NFATC4: variants seen among roughly 807,000 people sequenced by gnomAD.
NFATC4 encodes the protein nuclear factor of activated T cells 4.
Under a neutral mutation model 73.4 loss-of-function variants are expected in NFATC4, and 25 were observed. The ratio of observed to expected loss-of-function variants is 0.34; its 90% CI spans 0.25 to 0.48. The LOEUF (loss-of-function observed/expected upper bound fraction) is 0.48, where lower values mean the gene tolerates loss of function less well. NFATC4 is among the 20% of genes least tolerant of loss of function. The pLI, the probability that NFATC4 is intolerant of heterozygous loss-of-function variation, is 0.99. For missense variants in NFATC4, 1,130 were observed against 1,203.7 expected, an observed-to-expected ratio of 0.94 and a Z score of 0.91; for synonymous variants, 523 against 510.3, an observed-to-expected ratio of 1.02 and a Z score of -0.34.
At chr14:24,375,586 G>A in intron 6 of NFATC4, 74 bp from the exon 7 acceptor site, 1 of 1,511,204 alleles carries the variant, frequency 6.6e-7, no homozygotes, top group Non-Finnish European at 9.0e-7. Flanking sequence ...TAACAGGAGG[G>A]GAAATGGCAG....
rs774467153 is a variant in NFATC4 at position 24,370,335 on chromosome 14, G to C, written c.937G>C (p.Gly313Arg). 1 of 1,613,362 alleles carries C rather than the reference G, an allele frequency of 6.2e-7. No individual in the cohort carries two copies. Among genetic ancestry groups the C allele is most frequent in the Non-Finnish European group, 8.5e-7 (1 of 1,179,692 alleles). ...TCTGGCCCGGGACCCGGGCTCCCCT[G>C]GTCCCTTTGACTATGTGGGGGCCCC... is the stretch of plus-strand genomic sequence containing the variant. ...LPLARDPGSP[G>R]PFDYVGAPPA... The change falls in exon 2 of 10, where the codon GGT becomes CGT. Residue 313 changes from glycine to arginine, a missense_variant. Physicochemically the swap from Gly to Arg is moderately radical, Grantham distance 125 (BLOSUM62 -2). This residue lies in a region of NFATC4 where 585 missense variants were observed against 574.3 expected (regional missense o/e 1.02). Coordinates refer to ENST00000250373, the MANE Select transcript of NFATC4 (RefSeq NM_004554.5).
At position 24,370,086 on chromosome 14, in the gene NFATC4, C is replaced by G. The variant is rs534048410; in HGVS notation, c.688C>G (p.Pro230Ala). The G allele has an allele frequency of 1.2e-6, 2 of 1,604,990 alleles. No individual in the cohort carries two copies. The highest frequency in any genetic ancestry group is 3.3e-5 in the Admixed American group (2 of 59,976). The change falls in exon 2 of 10, where the codon CCC (proline) becomes GCC (alanine). Residue 230 changes from proline to alanine, a missense_variant. Around this residue, in one of 3 missense-constraint regions of NFATC4, gnomAD observed 585 missense variants for 574.3 expected, o/e 1.02. Transcript: ENST00000250373. The part of the protein sequence containing the change: ...ASPRPWTPED[P>A]WSLYGPSPGG... The stretch of plus-strand genomic sequence containing the variant: ...CCCTCGGCCATGGACCCCCGAAGAT[C>G]CCTGGAGCCTGTATGGTCCAAGCCC...
intron 1 of NFATC4, 105 bp downstream of exon 1, chr14:24,368,545 G>A (rs1020983932): frequency 8.9e-7 from 1 of 1,125,712 alleles, no homozygotes; most frequent in Non-Finnish European, 1.1e-6. Context: ...GGGTGAGGGA[G>A]TCAGAGGTCG....
Position 24,377,197 on chromosome 14 carries a change from G to C in NFATC4, c.2641+319G>C, listed in dbSNP as rs541263951. 6.2e-5 allele frequency: 78 copies of C among 1,268,196 alleles called. 2 individuals carry two copies. The Middle Eastern group carries it at 1.2e-3, about 20-fold the overall frequency. 78.6% of individuals were successfully genotyped at this position (1,268,196 alleles called of 1,614,324 possible). On this transcript the variant is annotated intron_variant, in intron 9 of 9. Coordinates refer to ENST00000250373, the MANE Select transcript of NFATC4 (RefSeq NM_004554.5). This position sits in a 1 kb window ranked among gnomAD's most constrained non-coding sequence, Gnocchi z 4.2. ...GCGCATTCAATTTGCAAGTTTAGGC[G>C]TTGAGTTCCAGAGAGGGATGGTAGC... is the stretch of plus-strand genomic sequence containing the variant.
chr14:24,373,055 C>A lies in NFATC4; in HGVS notation c.1360-116C>A, dbSNP rs564878159. 310 of 1,030,924 alleles carry A rather than the reference C, an allele frequency of 3.0e-4. 1 individual carries two copies. In the African/African-American group the frequency reaches 4.7e-3, roughly 16 times the overall value. The allele number at this position is 1,030,924 out of a possible 1,614,324, so 63.9% of individuals were successfully genotyped here. ...CCCAGTTCCCCAAGGGATTCCCTTGCAGGATATCCTTTATCTTTCACCATT... is the reference window on the plus strand; with the variant it reads ...CCCAGTTCCCCAAGGGATTCCCTTGAAGGATATCCTTTATCTTTCACCATT... On this transcript the variant is annotated intron_variant, in intron 3 of 9. Coordinates refer to ENST00000250373, the MANE Select transcript of NFATC4 (RefSeq NM_004554.5). This position sits in a 1 kb window ranked among gnomAD's most constrained non-coding sequence, Gnocchi z 4.7.
In NFATC4 at chr14:24,374,315, C is replaced by T. The variant is rs2139302257; in HGVS notation, c.1733-11C>T. On this transcript the variant is annotated splice_polypyrimidine_tract_variant and intron_variant, in intron 5 of 9. Transcript: ENST00000250373. ...AGCCCAGCCAGTCCTCTTCCTTGCA[C>T]TGCTCTGCAGCCCAGCGCTCAGCCC... is the stretch of plus-strand genomic sequence containing the variant. 1 of 1,604,774 alleles carries T rather than the reference C, an allele frequency of 6.2e-7. No homozygotes were observed. The highest frequency in any genetic ancestry group is 1.3e-5 in the African/African-American group (1 of 74,880).
rs1195663027 is a variant in NFATC4 at position 24,370,079 on chromosome 14, C to T, written c.681C>T (p.Pro227=). 3 of 1,605,288 alleles carry T rather than the reference C, an allele frequency of 1.9e-6. No homozygotes were observed. Among genetic ancestry groups the T allele is most frequent in the African/African-American group, 1.3e-5 (1 of 74,906 alleles). The change falls in exon 2 of 10, where the codon CCC becomes CCT. Residue 227 remains proline (P), a synonymous_variant. Coordinates refer to ENST00000250373, the MANE Select transcript of NFATC4 (RefSeq NM_004554.5). ...SPRASPRPWT[P]EDPWSLYGPS... is the part of the protein sequence containing the mutation. ...GGGCCTCCCCTCGGCCATGGACCCC[C>T]GAAGATCCCTGGAGCCTGTATGGTC...
chr14:24,374,350 C>T lies in NFATC4; in HGVS notation c.1757C>T (p.Pro586Leu), dbSNP rs1422462684. ...GCCCAGCGCTCAGCCCAGGAGCTGC[C>T]CCAGGTGGAGGCCTACAGCCCCAGT... Reference protein sequence around the residue: ...ECSQRSAQELPQVEAYSPSAC... With the variant: ...ECSQRSAQELLQVEAYSPSAC... Residue 586 changes from proline (P) to leucine (L), a missense_variant, in exon 6 of 10, where the codon CCC becomes CTC. By Grantham distance (98) the Pro-to-Leu change is moderately conservative. Transcript: ENST00000250373. 6.2e-7 allele frequency: 1 copy of T among 1,613,322 alleles called. No homozygotes were observed. Among genetic ancestry groups the T allele is most frequent in the Non-Finnish European group, 8.5e-7 (1 of 1,179,692 alleles).
In NFATC4 at chr14:24,373,285, G is replaced by C. The variant is rs2139297472; in HGVS notation, c.1474G>C (p.Val492Leu). 1 of 1,614,210 alleles carries C rather than the reference G, an allele frequency of 6.2e-7. No individual in the cohort carries two copies. Among genetic ancestry groups the C allele is most frequent in the Non-Finnish European group, 8.5e-7 (1 of 1,180,044 alleles). The change falls in exon 4 of 10, where the codon GTG becomes CTG. Residue 492 changes from valine (V) to leucine (L), a missense_variant. Physicochemically the swap from Val to Leu is conservative, Grantham distance 32. Around this residue, in one of 3 missense-constraint regions of NFATC4, gnomAD observed 155 missense variants for 221.2 expected, o/e 0.70. Coordinates refer to ENST00000250373, the MANE Select transcript of NFATC4 (RefSeq NM_004554.5). The surrounding 1 kb of genome is among the most constrained non-coding windows in gnomAD (Gnocchi z 4.7). ...GGTGCACCGTATCACAGGCAAGATGGTGGCCACGGCCAGCTATGAAGCCGT... is the reference window on the plus strand; with the variant it reads ...GGTGCACCGTATCACAGGCAAGATGCTGGCCACGGCCAGCTATGAAGCCGT... Reference protein sequence around the residue: ...YQVHRITGKMVATASYEAVVS... With the variant: ...YQVHRITGKMLATASYEAVVS...
upstream of NFATC4, chr14:24,367,509 AAAGC>A (rs1423432728): frequency 2.0e-6 from 3 of 1,535,380 alleles, no homozygotes; most frequent in East Asian, 2.4e-5. Flanking sequence ...GACAGTTCTC[AAAGC>A]CTCTTTGGCT....
intron 5 of NFATC4, 172 bp from the exon 6 acceptor site, chr14:24,374,154 C>T: frequency 1.0e-6 from 1 of 958,814 alleles, no homozygotes. Flanking sequence ...CTGGGAGCGG[C>T]CCCTTACATG....
Position 24,374,483 on chromosome 14 carries a change from G to A in NFATC4, c.1873+17G>A, listed in dbSNP as rs1369396701. On this transcript the variant is annotated intron_variant, in intron 6 of 9. Coordinates refer to ENST00000250373, the MANE Select transcript of NFATC4 (RefSeq NM_004554.5). ...GGGGTCCTGGTGAGTACCTGCTGGGGAGGGGAGGGCAGGCAGGGAGAGCTT... is the reference window on the plus strand; with the variant it reads ...GGGGTCCTGGTGAGTACCTGCTGGGAAGGGGAGGGCAGGCAGGGAGAGCTT... The A allele has an allele frequency of 3.1e-6, 5 of 1,599,472 alleles. No individual in the cohort carries two copies. In the South Asian group the frequency reaches 4.5e-5, roughly 14 times the overall value.
upstream of NFATC4, chr14:24,367,431 G>A: frequency 6.5e-7 from 1 of 1,535,710 alleles, no homozygotes; most frequent in Non-Finnish European, 8.7e-7. Flanking sequence ...GCCCCTCTGG[G>A]TGGCTGGGAC....
chr14:24,372,173 AG>A (rs1292962300), intron 2 of NFATC4: 1 of 414,944 alleles, frequency 2.4e-6, no homozygotes, highest in Non-Finnish European at 4.3e-6. Flanking sequence ...AGGGAGTTTT[AG>A]GCTTGTTGTC....
Position 24,370,290 on chromosome 14 carries a change from C to T in NFATC4, c.892C>T (p.Pro298Ser), listed in dbSNP as rs1185829799. 21 of 1,611,584 alleles carry T rather than the reference C, an allele frequency of 1.3e-5. No individual in the cohort carries two copies. Among genetic ancestry groups the T allele is most frequent in the Non-Finnish European group, 1.7e-5 (20 of 1,178,488 alleles). ...GSLGEEGSEP[P>S]PPPPLPLARD... is the part of the protein sequence containing the mutation. The stretch of plus-strand genomic sequence containing the variant: ...CCTGGGGGAAGAGGGGTCTGAGCCA[C>T]CTCCACCACCCCCATTGCCTCTGGC... Residue 298 changes from proline to serine, a missense_variant, in exon 2 of 10, where the codon CCT (proline) becomes TCT (serine). Pro to Ser is a moderately conservative substitution (Grantham distance 74). Transcript: ENST00000250373.
chr14:24,367,588 T>G (rs1020331919), upstream of NFATC4: 8 of 1,535,904 alleles, frequency 5.2e-6, no homozygotes, highest in Non-Finnish European at 7.0e-6. Context: ...CCTGGAGGAA[T>G]GGCTGATGGA....
chr14:24,369,450 T>C (rs755403616), intron 1 of NFATC4, 49 bp from the exon 2 acceptor site: 5 of 1,611,764 alleles, frequency 3.1e-6, no homozygotes, highest in Admixed American at 1.7e-5. Flanking sequence ...CCATCTCACC[T>C]GCTTCTCTCT....
intron 1 of NFATC4, chr14:24,369,265 G>A: frequency 6.5e-7 from 1 of 1,542,528 alleles, no homozygotes; most frequent in Non-Finnish European, 8.7e-7. Flanking sequence ...CCACTGGATC[G>A]GGTACCCTCG....
At chr14:24,369,164 G>T in intron 1 of NFATC4, 1 of 1,475,920 alleles carries the variant, frequency 6.8e-7, no homozygotes, top group Non-Finnish European at 8.9e-7. Flanking sequence ...TGTGTGAGTC[G>T]CCCCCAGTCC....
Sources: gnomAD v4.1 joint callset for allele counts on GRCh38, gnomAD v4.1.1 for gene constraint, gnomAD v4.1.1 regional missense constraint, Gnocchi (gnomAD v3.1) non-coding constraint, MANE v1.5 for transcripts, NCBI Gene and HGNC (gene_info 2026-07-23, HGNC 2026-07-21) for gene names.